MYO5A: variants seen among roughly 807,000 people sequenced by gnomAD.
MYO5A encodes unconventional myosin-Va.
MYO5A carries 98 observed loss-of-function variants against 249.7 expected under a neutral mutation model. That is an observed-to-expected ratio of 0.39 (90% CI 0.33 to 0.46). The LOEUF is 0.46. Among genes scored for constraint, MYO5A ranks in the 20% least tolerant of loss-of-function variants. MYO5A has a pLI of 0.98. For missense variants in MYO5A, 1,696 were observed against 2,308.8 expected (o/e 0.73, Z 5.44); for synonymous variants, 778 against 810.6 (o/e 0.96, Z 0.68).
At chr15:52,450,495 T>C (rs1178028068) in intron 1 of MYO5A, among the ~76,000 whole-genome samples, 3 of 151,724 alleles carry the variant, frequency 2.0e-5, no homozygotes, top group African/African-American at 7.3e-5. Context: ...AGTGAAACCC[T>C]GTCTCTACCA....
intron 1 of MYO5A, among the ~76,000 whole-genome samples, chr15:52,439,406 C>G (rs1244336202): frequency 6.6e-6 from 1 of 152,212 alleles, no homozygotes; most frequent in Non-Finnish European, 1.5e-5. Flanking sequence ...TCAAACATCT[C>G]ACTTATGCTA....
At chr15:52,331,626 T>C (rs2038892372) in intron 34 of MYO5A, 2 of 973,018 alleles carry the variant, frequency 2.1e-6, no homozygotes, top group African/African-American at 3.5e-5. Flanking sequence ...CTTGTGTCAC[T>C]CTGGGTAATT....
Position 52,317,113 on chromosome 15 carries a change from T to C in MYO5A, c.5344A>G (p.Lys1782Glu). 1 of 1,614,194 alleles carries C rather than the reference T, an allele frequency of 6.2e-7. No homozygotes were observed. Among genetic ancestry groups the C allele is most frequent in the Non-Finnish European group, 8.5e-7 (1 of 1,180,028 alleles). The change falls in exon 40 of 42, where the codon AAA (lysine) becomes GAA (glutamate). Residue 1782 changes from lysine to glutamate, a missense_variant. Transcript: ENST00000399233. ...TCTGCATCATCATCTGTTTTCTTTT[T>C]CACTTGCAAAAGTTGAGCAGCCTGA... is the stretch of plus-strand genomic sequence containing the variant. ...LIQAAQLLQV[K>E]KKTDDDAEAI...
chr15:52,376,859 T>G (rs190217525), intron 18 of MYO5A, among the ~76,000 whole-genome samples: 2 of 152,314 alleles, frequency 1.3e-5, no homozygotes, highest in East Asian at 3.9e-4. Flanking sequence ...GTTTGTGTTT[T>G]AAACATCTCA....
At chr15:52,319,795 T>A (rs905372970) in intron 38 of MYO5A, among the ~76,000 whole-genome samples, 3 of 152,300 alleles carry the variant, frequency 2.0e-5, no homozygotes, top group Non-Finnish European at 4.4e-5. Context: ...CAAAAGGGCT[T>A]CCGGATTTTA....
intron 1 of MYO5A, among the ~76,000 whole-genome samples, chr15:52,479,502 C>G (rs4776049): frequency 0.15 from 22,620 of 151,866 alleles, 1,804 homozygotes; most frequent in Middle Eastern, 0.22. Flanking sequence ...TGGACCCATG[C>G]AGTTCAAATC....
At chr15:52,340,482 G>T in intron 31 of MYO5A, 88 bp from the exon 32 acceptor site, 1 of 1,153,766 alleles carries the variant, frequency 8.7e-7, no homozygotes, top group Non-Finnish European at 1.3e-6. Context: ...ACTTGCAAGA[G>T]TAGGAAAAGC....
At chr15:52,488,287 A>G (rs146530519) in intron 1 of MYO5A, among the ~76,000 whole-genome samples, 1 of 152,188 alleles carries the variant, frequency 6.6e-6, no homozygotes, top group African/African-American at 2.4e-5. Context: ...AAATATATGT[A>G]GCTGATGTCT....
At chr15:52,405,432 G>T in intron 8 of MYO5A, 39 bp from the exon 9 acceptor site, 1 of 1,428,870 alleles carries the variant, frequency 7.0e-7, no homozygotes, top group Non-Finnish European at 9.9e-7. Context: ...ATTAATTTCA[G>T]AATAGAAACT....
rs1242942517 is a variant in MYO5A, at chr15:52,515,112, C to CA, written c.27+13667dup. Among the ~76,000 whole-genome samples the CA allele has an allele frequency of 3.3e-5, 5 of 151,510 alleles. No homozygotes were observed. In the South Asian group the frequency reaches 1.0e-3, roughly 32 times the overall value. On this transcript the variant is annotated intron_variant, in intron 1 of 41. Transcript: ENST00000399233. ...GGACAACACAGTGAGACCCTGTTTC[C>CA]AAAAAACAAAAAATTAGCTGGGTGT... is the stretch of plus-strand genomic sequence containing the variant.
chr15:52,336,151 G>A (rs865775758), intron 34 of MYO5A, among the ~76,000 whole-genome samples: 8 of 152,146 alleles, frequency 5.3e-5, no homozygotes, highest in African/African-American at 1.4e-4. Flanking sequence ...AACCCAAGAA[G>A]CTTGACTCCA....
chr15:52,360,056 C>G lies in MYO5A; in HGVS notation c.3335G>C (p.Arg1112Thr), dbSNP rs765857985. ...GTTGCTGCTGTGGGTGGAGTCTGTT[C>G]TCTTGTGTCCAGGCTTAGGCACATG... Reference protein sequence around the residue: ...MVHVPKPGHKRTDSTHSSNES... With the variant: ...MVHVPKPGHKTTDSTHSSNES... Residue 1112 changes from arginine to threonine, a missense_variant, in exon 25 of 42, where the codon AGA becomes ACA. Arg to Thr is a moderately conservative substitution (Grantham distance 71). Around this residue, in one of 5 missense-constraint regions of MYO5A, gnomAD observed 412 missense variants for 453.3 expected, o/e 0.91. Transcript: ENST00000399233. 1 of 1,613,498 alleles carries G rather than the reference C, an allele frequency of 6.2e-7. No homozygotes were observed. The highest frequency in any genetic ancestry group is 1.1e-5 in the South Asian group (1 of 91,008).
intron 25 of MYO5A, among the ~76,000 whole-genome samples, chr15:52,359,740 A>T (rs1423436989): frequency 6.6e-6 from 1 of 152,268 alleles, no homozygotes; most frequent in Non-Finnish European, 1.5e-5. Flanking sequence ...TTAAAAATTA[A>T]AATTAAAATT....
chr15:52,371,111 C>T (rs8027777), intron 21 of MYO5A, among the ~76,000 whole-genome samples: 14,693 of 150,038 alleles, frequency 0.098, 2,210 homozygotes, highest in African/African-American at 0.33. Context: ...AGAATCTGTC[C>T]TAAAACAAAA....
At chr15:52,325,278 T>G (rs1212525874) in intron 36 of MYO5A, among the ~76,000 whole-genome samples, 4 of 152,196 alleles carry the variant, frequency 2.6e-5, no homozygotes, top group Non-Finnish European at 4.4e-5. Flanking sequence ...TAGTCCCAGC[T>G]GGATGTAACG....
chr15:52,391,856 C>G (rs1444285503), intron 12 of MYO5A, 74 bp downstream of exon 12: 4 of 1,486,026 alleles, frequency 2.7e-6, no homozygotes, highest in Non-Finnish European at 3.7e-6. Context: ...ATGAATCTCT[C>G]CTTGAACCCA....
In MYO5A at chr15:52,497,110, C is replaced by T. The variant is rs138062147; in HGVS notation, c.27+31670G>A. ...CTGAGTAGCTGGGACTACAGGCATGCACCACCATGCCCGGCTAATTTTTGT... is the reference window on the plus strand; with the variant it reads ...CTGAGTAGCTGGGACTACAGGCATGTACCACCATGCCCGGCTAATTTTTGT... On this transcript the variant is annotated intron_variant, in intron 1 of 41. Transcript: ENST00000399233. Among the ~76,000 whole-genome samples the T allele has an allele frequency of 4.4e-4, 67 of 152,242 alleles. 1 individual carries two copies. The East Asian group carries it at 7.0e-3, about 16-fold the overall frequency.
intron 1 of MYO5A, among the ~76,000 whole-genome samples, chr15:52,522,670 A>G (rs558777999): frequency 2.1e-4 from 32 of 152,288 alleles, no homozygotes; most frequent in Admixed American, 1.8e-3. Context: ...TCATAAAATG[A>G]AAAACAGAGA....
In MYO5A at chr15:52,379,849, C is replaced by G; in HGVS notation, c.2072G>C (p.Arg691Pro). Residue 691 changes from arginine to proline, a missense_variant, in exon 17 of 42, where the codon CGA (arginine) becomes CCA (proline). This residue lies in a region of MYO5A where 277 missense variants were observed against 422.4 expected (regional missense o/e 0.66). Coordinates refer to ENST00000399233, the MANE Select transcript of MYO5A (RefSeq NM_001382347.1). ...TGAGGGGAAACCGGCCGCACTGATT[C>G]GGATGGTTTCCAGGACACCACATGC... ...LRACGVLETIRISAAGFPSRW... is the reference protein window; with the variant it reads ...LRACGVLETIPISAAGFPSRW... 6.2e-7 allele frequency: 1 copy of G among 1,614,140 alleles called. No individual in the cohort carries two copies. Among genetic ancestry groups the G allele is most frequent in the Non-Finnish European group, 8.5e-7 (1 of 1,180,004 alleles).
Sources: gnomAD v4.1 joint callset for allele counts (sites outside exome capture counted in the v4.1 genomes callset) on GRCh38, gnomAD v4.1.1 for gene constraint, gnomAD v4.1.1 regional missense constraint, MANE v1.5 for transcripts, NCBI Gene and HGNC (gene_info 2026-07-23, HGNC 2026-07-21) for gene names.